The following ERAP1 variants were observed in gnomAD, a reference collection of about 807,000 sequenced individuals.
ERAP1 encodes adipocyte-derived leucine aminopeptidase.
Under a neutral mutation model 103.7 loss-of-function variants are expected in ERAP1, and 86 were observed. The ratio of observed to expected loss-of-function variants is 0.83; its 90% confidence interval spans 0.70 to 0.99. ERAP1 has a LOEUF of 0.99. Ranked by LOEUF, ERAP1 falls within the 50% of genes least tolerant of loss-of-function variation. ERAP1 has a pLI of 0.00. For synonymous variants in ERAP1, 398 were observed against 402.4 expected, an observed-to-expected ratio of 0.99 and a Z score of 0.13; for missense variants, 1,009 against 1,128.4, an observed-to-expected ratio of 0.89 and a Z score of 1.52.
At chr5:96,918,723 T>A in the ERAP1 span, 1 of 152,224 alleles carries the variant, frequency 6.6e-6, no homozygotes, top group African/African-American at 2.4e-5. Context: ...AAGAAAGGAA[T>A]ATAATTCATA....
At chr5:96,880,437 C>G in the ERAP1 span, among the ~76,000 whole-genome samples, 1 of 152,138 alleles carries the variant, frequency 6.6e-6, no homozygotes, top group Non-Finnish European at 1.5e-5. Flanking sequence ...GATGTAAAGA[C>G]AGGACTCAGA....
intron 1 of ERAP1, among the ~76,000 whole-genome samples, chr5:96,805,345 G>GTT (rs1778466595): frequency 9.6e-6 from 1 of 104,046 alleles, no homozygotes; most frequent in South Asian, 3.0e-4. Context: ...TCTGGTTTTT[G>GTT]GTTTTTTTTT....
intron 19 of ERAP1, among the ~76,000 whole-genome samples, chr5:96,763,727 A>G (rs1277508057): frequency 6.6e-6 from 1 of 152,210 alleles, no homozygotes; most frequent in Non-Finnish European, 1.5e-5. Flanking sequence ...CTTTGCTGTG[A>G]TTATTAGATT....
In ERAP1 at chr5:96,797,419, C is replaced by T. The variant is rs544234104; in HGVS notation, c.664-110G>A. Reference sequence around the variant, plus strand: ...TATTAAAAGTGTATCAATCCCAGCACTTGGGGAGTCCGAGGTAGGCAGAAT... The same window carrying T: ...TATTAAAAGTGTATCAATCCCAGCATTTGGGGAGTCCGAGGTAGGCAGAAT... On this transcript the variant is annotated intron_variant, in intron 3 of 18. Coordinates refer to ENST00000443439, the MANE Select transcript of ERAP1 (RefSeq NM_001040458.3). The T allele has an allele frequency of 3.4e-5, 43 of 1,249,548 alleles. No individual in the cohort carries two copies. In the South Asian group the frequency reaches 4.9e-4, roughly 14 times the overall value. 77.4% of individuals were successfully genotyped at this position (1,249,548 alleles called of 1,614,324 possible). A position where few individuals can be genotyped will look rare whatever the true frequency, so the allele number is the denominator to read the frequency against.
chr5:96,909,781 G>T, the ERAP1 span: 1 of 1,609,578 alleles, frequency 6.2e-7, no homozygotes, highest in Non-Finnish European at 8.5e-7. Flanking sequence ...GTAGACTTCT[G>T]TCCTACCCTT....
chr5:96,797,362 A>G, intron 3 of ERAP1, 53 bp from the exon 4 acceptor site: 2 of 1,583,250 alleles, frequency 1.3e-6, no homozygotes, highest in Non-Finnish European at 1.7e-6. Context: ...CAATACAGTG[A>G]ACATGATAAA....
chr5:96,896,886 A>G, the ERAP1 span: 3 of 1,550,750 alleles, frequency 1.9e-6, no homozygotes, highest in Non-Finnish European at 1.7e-6. Flanking sequence ...TTGGGTAACG[A>G]TAGACTGTTA....
chr5:96,767,434 T>A, intron 19 of ERAP1: 1 of 1,611,390 alleles, frequency 6.2e-7, no homozygotes, highest in Non-Finnish European at 8.5e-7. Context: ...GCCTTCTTTT[T>A]AAGGACAAAC....
intron 5 of ERAP1, among the ~76,000 whole-genome samples, chr5:96,794,299 C>CCATCTCA (rs1183711815): frequency 6.6e-6 from 1 of 150,666 alleles, no homozygotes; most frequent in Non-Finnish European, 1.5e-5. Flanking sequence ...GGTGATCCTC[C>CCATCTCA]CATCTCAGCC....
chr5:96,894,375 T>G, the ERAP1 span, among the ~76,000 whole-genome samples: 3 of 152,196 alleles, frequency 2.0e-5, no homozygotes, highest in African/African-American at 4.8e-5. Flanking sequence ...GGAATAGTGC[T>G]TAAACTGTTT....
At chr5:96,763,366 A>G (rs2150697431) in intron 19 of ERAP1, 1 of 713,980 alleles carries the variant, frequency 1.4e-6, no homozygotes, top group South Asian at 1.5e-5. Flanking sequence ...GTGCATGTGC[A>G]TGTGCATGTG....
At chr5:96,839,461 A>C in the ERAP1 span, among the ~76,000 whole-genome samples, 319 of 152,356 alleles carry the variant, frequency 2.1e-3, 2 homozygotes, top group African/African-American at 7.4e-3. Context: ...TGAGTTAGGA[A>C]GACACTCCTT....
chr5:96,797,455 A>T, intron 3 of ERAP1, 146 bp from the exon 4 acceptor site: 1 of 857,384 alleles, frequency 1.2e-6, no homozygotes, highest in Non-Finnish European at 1.9e-6. Flanking sequence ...GCTTGAGCTC[A>T]GGAGTTTGCG....
chr5:96,807,785 G>T, intron 1 of ERAP1, 75 bp downstream of exon 1: 1 of 963,116 alleles, frequency 1.0e-6, no homozygotes, highest in Non-Finnish European at 1.2e-6. Context: ...CCACTTGACG[G>T]GCGCAGGGAA....
chr5:96,910,456 A>G, the ERAP1 span, among the ~76,000 whole-genome samples: 2 of 151,886 alleles, frequency 1.3e-5, no homozygotes, highest in East Asian at 3.8e-4. Flanking sequence ...AGTTTTAGAA[A>G]AAAAAAAACT....
chr5:96,825,169 T>G, the ERAP1 span, among the ~76,000 whole-genome samples: 1 of 152,242 alleles, frequency 6.6e-6, no homozygotes, highest in Non-Finnish European at 1.5e-5. Flanking sequence ...ACCCTACAAA[T>G]TTTGATAGGC....
chr5:96,895,378 G>A, the ERAP1 span: 28 of 1,444,430 alleles, frequency 1.9e-5, no homozygotes. Context: ...ACAATTCTGT[G>A]TATCATACTA....
chr5:96,877,006 G>A, the ERAP1 span, among the ~76,000 whole-genome samples: 98 of 152,098 alleles, frequency 6.4e-4, 2 homozygotes, highest in East Asian at 0.011. Context: ...AGAGAGCCTC[G>A]CTCTGTCGCC....
At chr5:96,827,141 ATTCCTTCAAGCAGATCT>A in the ERAP1 span, among the ~76,000 whole-genome samples, 1 of 152,170 alleles carries the variant, frequency 6.6e-6, no homozygotes, top group Non-Finnish European at 1.5e-5. Context: ...TTTAACTCAC[ATTCCTTCAAGCAGATCT>A]TTCCTGCTTT....
Sources: allele counts gnomAD v4.1 joint callset (sites outside exome capture counted in the v4.1 genomes callset), GRCh38; gene constraint gnomAD v4.1.1; transcripts MANE v1.5; gene names NCBI Gene and HGNC (gene_info 2026-07-23, HGNC 2026-07-21).